COL4A6: variants seen among roughly 807,000 people sequenced by gnomAD.
COL4A6 encodes the protein collagen type IV alpha 6 chain.
A neutral mutation model predicts 126.7 loss-of-function variants in COL4A6; 59 were observed. The ratio of observed to expected loss-of-function variants is 0.47; its 90% CI spans 0.38 to 0.58. COL4A6 has a LOEUF of 0.58. Ranked by LOEUF, COL4A6 falls within the 20% of genes least tolerant of loss-of-function variation. The pLI, the probability that COL4A6 is intolerant of heterozygous loss-of-function variation, is 0.00. For synonymous variants in COL4A6, 547 were observed against 496.6 expected (o/e 1.10, Z -1.35); for missense variants, 1,285 against 1,337.3 (o/e 0.96, Z 0.61).
chrX:108,290,052 TG>T (rs1490244844), intron 3 of COL4A6, among the ~76,000 whole-genome samples: 1 of 112,245 alleles, frequency 8.9e-6, no homozygotes, highest in Non-Finnish European at 1.9e-5. Flanking sequence ...ATCCTTACCC[TG>T]TAAGCGATAT....
At chrX:108,303,414 G>C (rs997051778) in intron 3 of COL4A6, among the ~76,000 whole-genome samples, 2 of 111,789 alleles carry the variant, frequency 1.8e-5, no homozygotes, top group Non-Finnish European at 3.8e-5. Context: ...TATGTCGCTT[G>C]TTGACCTGCA....
chrX:108,157,191 G>GA lies in COL4A6; in HGVS notation c.4881dup (p.Arg1628SerfsTer42), dbSNP rs1010718048. ...CTGCATTCGATGAAAGGAGTGGCCCGAAAGTCCTCTAGGCAGGAGCCAGGT... is the reference window on the plus strand; with the variant it reads ...CTGCATTCGATGAAAGGAGTGGCCCGAAAAGTCCTCTAGGCAGGAGCCAGGT... On this transcript the variant is annotated frameshift_variant, in exon 45 of 45. Transcript: ENST00000334504. LOFTEE classifies it high-confidence loss of function. The GA allele has an allele frequency of 8.3e-7, 1 of 1,210,339 alleles. No homozygotes were observed. Among genetic ancestry groups the GA allele is most frequent in the African/African-American group, 1.7e-5 (1 of 57,277 alleles).
chrX:108,200,600 G>C (rs2035361687), intron 13 of COL4A6, among the ~76,000 whole-genome samples: 1 of 111,971 alleles, frequency 8.9e-6, no homozygotes, highest in Admixed American at 9.5e-5. Flanking sequence ...GAAATGGTGT[G>C]AGTGTGGGGT....
intron 2 of COL4A6, among the ~76,000 whole-genome samples, chrX:108,372,534 A>T (rs2040351840): frequency 8.9e-6 from 1 of 112,080 alleles, no homozygotes; most frequent in Admixed American, 9.5e-5. Context: ...CAAATTGAAA[A>T]TAGCAGAGAT....
intron 2 of COL4A6, among the ~76,000 whole-genome samples, chrX:108,390,740 C>A (rs934710284): frequency 9.0e-5 from 10 of 110,535 alleles, no homozygotes; most frequent in Admixed American, 9.7e-5. Context: ...GTCAGTTCAT[C>A]AAACTCATTC....
chrX:108,383,792 A>C, intron 2 of COL4A6: 1 of 515,298 alleles, frequency 1.9e-6, no homozygotes, highest in Non-Finnish European at 3.6e-6. Flanking sequence ...TATGGAAGTA[A>C]TGGAAACTCA....
At chrX:108,260,177 G>T (rs1035151218) in intron 3 of COL4A6, among the ~76,000 whole-genome samples, 2 of 110,284 alleles carry the variant, frequency 1.8e-5, no homozygotes, top group Non-Finnish European at 3.8e-5. Flanking sequence ...AAGCAGAAAA[G>T]TCAAGTCCAG....
intron 2 of COL4A6, among the ~76,000 whole-genome samples, chrX:108,384,345 T>C (rs1050602020): frequency 2.7e-5 from 3 of 112,122 alleles, no homozygotes; most frequent in Non-Finnish European, 3.8e-5. Flanking sequence ...AAACCAAACA[T>C]CATTTTCCTT....
At chrX:108,181,408 C>G (rs2034682092) in intron 23 of COL4A6, among the ~76,000 whole-genome samples, 1 of 112,125 alleles carries the variant, frequency 8.9e-6, no homozygotes, top group Non-Finnish European at 1.9e-5. Context: ...AGGTTTGAAG[C>G]CAAGATCCCT....
intron 2 of COL4A6, among the ~76,000 whole-genome samples, chrX:108,419,634 T>A (rs1334826986): frequency 9.0e-6 from 1 of 111,480 alleles, no homozygotes; most frequent in Non-Finnish European, 1.9e-5. Flanking sequence ...AAAACCTGAG[T>A]TCTAGTTCAG....
At chrX:108,311,383 AC>A (rs2147911361) in intron 2 of COL4A6, among the ~76,000 whole-genome samples, 1 of 109,998 alleles carries the variant, frequency 9.1e-6, no homozygotes, top group Non-Finnish European at 1.9e-5. Flanking sequence ...ATTTTACAGT[AC>A]CCCCCAAGCT....
chrX:108,381,416 T>A (rs903202649), intron 2 of COL4A6, among the ~76,000 whole-genome samples: 17 of 112,100 alleles, frequency 1.5e-4, no homozygotes, highest in African/African-American at 4.5e-4. Flanking sequence ...CTTTAAAAAA[T>A]TTAAGTTATG....
In COL4A6 at chrX:108,310,901, T is replaced by C. The variant is rs148122037; in HGVS notation, c.64-73A>G. 1.2e-3 allele frequency: 931 copies of C among 775,791 alleles called. 10 individuals are homozygous for C. In the African/African-American group the frequency reaches 0.018, roughly 15 times the overall value. 63.9% of individuals were successfully genotyped at this position (775,791 alleles called of 1,213,427 possible). On this transcript the variant is annotated intron_variant, in intron 2 of 44. Transcript: ENST00000334504. ...ATGTTGTCCCAGCAGACCTAACTCT[T>C]AGCTTCTTTACCAAGTAAATCTATT...
chrX:108,275,951 G>A lies in COL4A6; in HGVS notation c.144+34797C>T, dbSNP rs6622305. 2.8e-4 allele frequency among the ~76,000 whole-genome samples: 32 copies of A among 112,862 alleles called. 1 individual carries two copies. In the East Asian group the frequency reaches 8.1e-3, roughly 29 times the overall value. Reference sequence around the variant, plus strand: ...ACTAAACAGGAAGCACATACTCTATGAAAGCAGGCAATGCCATCCATGATG... The same window carrying A: ...ACTAAACAGGAAGCACATACTCTATAAAAGCAGGCAATGCCATCCATGATG... On this transcript the variant is annotated intron_variant, in intron 3 of 44. Transcript: ENST00000334504.
intron 3 of COL4A6, among the ~76,000 whole-genome samples, chrX:108,263,058 A>T (rs189169759): frequency 9.0e-6 from 1 of 111,361 alleles, no homozygotes; most frequent in Non-Finnish European, 1.9e-5. Context: ...AATTCATGAG[A>T]CCACCACAAA....
rs2035728848 is a variant in COL4A6, at chrX:108,212,243, A to C, written c.442-503T>G. Among the ~76,000 whole-genome samples, 8 of 110,141 alleles carry C rather than the reference A, an allele frequency of 7.3e-5. No individual in the cohort carries two copies. The South Asian group carries it at 2.8e-3, about 38-fold the overall frequency. ...TTATTTTATTATTTAAAAAAAAAAA[A>C]AACAGGCCACAAGCCAAAGGCCATG... is the stretch of plus-strand genomic sequence containing the variant. On this transcript the variant is annotated intron_variant, in intron 6 of 44. Transcript: ENST00000334504.
chrX:108,187,741 T>G (rs1296660009), intron 22 of COL4A6, 107 bp downstream of exon 22: 1 of 829,798 alleles, frequency 1.2e-6, no homozygotes, highest in Non-Finnish European at 1.7e-6. Flanking sequence ...GGCAAGGTCC[T>G]CTAGACTCTG....
intron 2 of COL4A6, among the ~76,000 whole-genome samples, chrX:108,336,767 C>T (rs1271715318): frequency 9.0e-6 from 1 of 111,350 alleles, no homozygotes; most frequent in Admixed American, 9.5e-5. Context: ...TGTCTCCGCT[C>T]ATGGTTAAAA....
At chrX:108,242,395 C>T (rs965265583) in intron 3 of COL4A6, among the ~76,000 whole-genome samples, 17 of 111,504 alleles carry the variant, frequency 1.5e-4, no homozygotes, top group African/African-American at 5.5e-4. Flanking sequence ...TTCACAACAA[C>T]AAAGAAAACC....
Sources: allele counts gnomAD v4.1 joint callset (sites outside exome capture counted in the v4.1 genomes callset), GRCh38; gene constraint gnomAD v4.1.1; transcripts MANE v1.5; gene names NCBI Gene and HGNC (gene_info 2026-07-23, HGNC 2026-07-21).